The following SH3KBP1 variants were observed in gnomAD, a reference collection of about 807,000 sequenced individuals.
SH3KBP1 encodes the protein SH3 domain containing kinase binding protein 1, also known as SH3 domain-containing kinase-binding protein 1.
SH3KBP1 carries 8 observed loss-of-function variants against 50.1 expected under a neutral mutation model. The ratio of observed to expected loss-of-function variants is 0.16; its 90% CI spans 0.09 to 0.29. The LOEUF is 0.29. Among genes scored for constraint, SH3KBP1 ranks in the 10% least tolerant of loss-of-function variants. The pLI is 1.00. For missense variants in SH3KBP1, 377 were observed against 535.2 expected (o/e 0.70, Z 2.92); for synonymous variants, 227 against 218.6 (o/e 1.04, Z -0.34).
At chrX:19,582,409 T>G (rs2066403717) in intron 12 of SH3KBP1, among the ~76,000 whole-genome samples, 1 of 112,000 alleles carries the variant, frequency 8.9e-6, no homozygotes, top group Non-Finnish European at 1.9e-5. Context: ...CCTGAGCCTA[T>G]GGTGGCCGCG....
At chrX:19,668,720 G>T (rs2148519606) in intron 6 of SH3KBP1, among the ~76,000 whole-genome samples, 1 of 102,470 alleles carries the variant, frequency 9.8e-6, no homozygotes, top group East Asian at 3.2e-4. Flanking sequence ...CATGGTGGTG[G>T]GCGCCTGTAG....
At chrX:19,538,563 T>TGTTA (rs1569259301) in intron 16 of SH3KBP1, among the ~76,000 whole-genome samples, 1 of 105,827 alleles carries the variant, frequency 9.4e-6, no homozygotes, top group Non-Finnish European at 1.9e-5. Flanking sequence ...ATTTCCTTTA[T>TGTTA]TTTATTTATT....
chrX:19,843,364 T>C (rs777608175), intron 1 of SH3KBP1, among the ~76,000 whole-genome samples: 1 of 110,566 alleles, frequency 9.0e-6, no homozygotes, highest in African/African-American at 3.3e-5. Flanking sequence ...TATGCAAGTC[T>C]GCACAAGGCC....
chrX:19,591,539 C>T (rs1485447904), intron 11 of SH3KBP1, among the ~76,000 whole-genome samples: 1 of 111,853 alleles, frequency 8.9e-6, no homozygotes, highest in Non-Finnish European at 1.9e-5. Flanking sequence ...ATGCCACCCT[C>T]CCCTCCTCCA....
chrX:19,708,005 G>A (rs180738921), intron 3 of SH3KBP1, among the ~76,000 whole-genome samples: 434 of 112,853 alleles, frequency 3.8e-3, no homozygotes, highest in Non-Finnish European at 6.4e-3. Flanking sequence ...AAACCAAAGG[G>A]ATCAATGACT....
At chrX:19,804,436 T>C (rs1417951355) in intron 2 of SH3KBP1, among the ~76,000 whole-genome samples, 1 of 110,845 alleles carries the variant, frequency 9.0e-6, no homozygotes, top group Non-Finnish European at 1.9e-5. Context: ...GACATACTCA[T>C]AAAGAACTAG....
At chrX:19,759,675 T>C (rs892635276) in intron 2 of SH3KBP1, among the ~76,000 whole-genome samples, 3 of 111,340 alleles carry the variant, frequency 2.7e-5, no homozygotes, top group African/African-American at 9.8e-5. Context: ...TCCAAGATCA[T>C]TAATCTACGG....
rs776298964 is a variant in SH3KBP1, at chrX:19,822,252, T to C, written c.162+13873A>G. Among the ~76,000 whole-genome samples the C allele has an allele frequency of 3.6e-5, 4 of 112,413 alleles. No individual in the cohort carries two copies. In the South Asian group the frequency reaches 1.5e-3, roughly 41 times the overall value. ...TTTTCAGTCATCATTTCGTTCAATA[T>C]TGTTTATTATCATAACCTTCTTTTC... On this transcript the variant is annotated intron_variant, in intron 2 of 17. Transcript: ENST00000397821.
At chrX:19,841,121 A>G (rs2068206935) in intron 1 of SH3KBP1, among the ~76,000 whole-genome samples, 2 of 111,993 alleles carry the variant, frequency 1.8e-5, no homozygotes, top group Admixed American at 9.5e-5. Context: ...CCAGCTGCCT[A>G]GCAGCTTCTC....
chrX:19,878,499 TGTGTGTGA>T (rs2069323006), intron 1 of SH3KBP1, among the ~76,000 whole-genome samples: 1 of 82,103 alleles, frequency 1.2e-5, no homozygotes, highest in Non-Finnish European at 2.1e-5. Context: ...TGTGTGTGTG[TGTGTGTGA>T]GAGAGAGAGA....
At chrX:19,598,477 C>T (rs764300165) in intron 9 of SH3KBP1, among the ~76,000 whole-genome samples, 4 of 111,656 alleles carry the variant, frequency 3.6e-5, no homozygotes, top group African/African-American at 6.5e-5. Context: ...TTTGCATTCA[C>T]AGCTTGTCTA....
rs146232140 is a variant in SH3KBP1, at chrX:19,589,873, G to A, written c.1139-1071C>T. On this transcript the variant is annotated intron_variant, in intron 11 of 17. Transcript: ENST00000397821. ...GGTGGCTCACATCTGTAATCTCAGA[G>A]CTTTGGGAGGGCAAGGCGGAAGGAT... 7.8e-3 allele frequency among the ~76,000 whole-genome samples: 848 copies of A among 109,274 alleles called. 9 individuals are homozygous for A. The highest frequency in any genetic ancestry group is 0.026 in the African/African-American group (778 of 29,979). 94.9% of individuals were successfully genotyped at this position (109,274 alleles called of 115,157 possible). A position where few individuals can be genotyped will look rare whatever the true frequency, so the allele number is the denominator to read the frequency against.
chrX:19,686,727 G>A (rs1270325929), intron 5 of SH3KBP1, among the ~76,000 whole-genome samples: 1 of 111,146 alleles, frequency 9.0e-6, no homozygotes, highest in Non-Finnish European at 1.9e-5. Context: ...AGTTTGTGAA[G>A]CATGGCTCTG....
At position 19,561,175 on chromosome X, in the gene SH3KBP1, C is replaced by T. The variant is rs374434656; in HGVS notation, c.1384+7928G>A. 3.3e-4 allele frequency among the ~76,000 whole-genome samples: 36 copies of T among 109,050 alleles called. 1 individual carries two copies. The South Asian group carries it at 7.6e-3, about 23-fold the overall frequency. The allele number at this position is 109,050 out of a possible 115,157, so 94.7% of individuals were successfully genotyped here. On this transcript the variant is annotated intron_variant, in intron 13 of 17. Coordinates refer to ENST00000397821, the MANE Select transcript of SH3KBP1 (RefSeq NM_031892.3). ...TCTAATGTCCAGAATTACATGGAAGCCAAAATTACACTTACTACAAAATTT... is the reference window on the plus strand; with the variant it reads ...TCTAATGTCCAGAATTACATGGAAGTCAAAATTACACTTACTACAAAATTT...
chrX:19,750,827 GA>G lies in SH3KBP1; in HGVS notation c.163-4387del, dbSNP rs1172250738. 2.1e-3 allele frequency among the ~76,000 whole-genome samples: 210 copies of G among 101,618 alleles called. 2 individuals carry two copies. The highest frequency in any genetic ancestry group is 0.011 in the South Asian group (27 of 2,356). The allele number at this position is 101,618 out of a possible 115,157, so 88.2% of individuals were successfully genotyped here. A position where few individuals can be genotyped will look rare whatever the true frequency, so the allele number is the denominator to read the frequency against. ...TTGTTCCTAACAACAACACTGTCAG[GA>G]AAAAAAAAAACAACTGATTTTGCCA... On this transcript the variant is annotated intron_variant, in intron 2 of 17. Transcript: ENST00000397821.
In SH3KBP1 at chrX:19,535,215, G is replaced by T; in HGVS notation, c.*1202C>A. The T allele has an allele frequency of 1.7e-3, 376 of 224,345 alleles. No homozygotes were observed. Among genetic ancestry groups the T allele is most frequent in the East Asian group, 1.8e-3 (28 of 15,648 alleles). 18.5% of individuals were successfully genotyped at this position (224,345 alleles called of 1,213,427 possible). A position where few individuals can be genotyped will look rare whatever the true frequency, so the allele number is the denominator to read the frequency against. The stretch of plus-strand genomic sequence containing the variant: ...GACAGGCAAACATCAGTTTCCTTGG[G>T]AAAGAAAAAGCAACTCCATAAATGC... On this transcript the variant is annotated 3_prime_UTR_variant, in exon 18 of 18. Transcript: ENST00000397821.
chrX:19,813,207 A>T (rs1352872229), intron 2 of SH3KBP1, among the ~76,000 whole-genome samples: 1 of 110,378 alleles, frequency 9.1e-6, no homozygotes, highest in Non-Finnish European at 1.9e-5. Flanking sequence ...ACTAACTTGC[A>T]CCTTTGGAAT....
At position 19,597,196 on chromosome X, in the gene SH3KBP1, A is replaced by C. The variant is rs189429835; in HGVS notation, c.1006-2196T>G. Among the ~76,000 whole-genome samples, 294 of 112,310 alleles carry C rather than the reference A, an allele frequency of 2.6e-3. 2 individuals carry two copies. Among genetic ancestry groups the C allele is most frequent in the Middle Eastern group, 9.2e-3 (2 of 218 alleles). On this transcript the variant is annotated intron_variant, in intron 9 of 17. Coordinates refer to ENST00000397821, the MANE Select transcript of SH3KBP1 (RefSeq NM_031892.3). ...AACGGATGTTGTAGTAGCAGGCATGAAAACGGCATTCATCTTCTTATACAT... is the reference window on the plus strand; with the variant it reads ...AACGGATGTTGTAGTAGCAGGCATGCAAACGGCATTCATCTTCTTATACAT...
chrX:19,577,934 T>C (rs779287212), intron 12 of SH3KBP1, among the ~76,000 whole-genome samples: 17 of 110,490 alleles, frequency 1.5e-4, no homozygotes, highest in Non-Finnish European at 3.0e-4. Flanking sequence ...TTCAACTGCC[T>C]ACAAAATTTG....
Sources: gnomAD v4.1 joint callset for allele counts (sites outside exome capture counted in the v4.1 genomes callset) on GRCh38, gnomAD v4.1.1 for gene constraint, MANE v1.5 for transcripts, NCBI Gene and HGNC (gene_info 2026-07-23, HGNC 2026-07-21) for gene names.